PCDH15: variants seen among roughly 807,000 people sequenced by gnomAD.
The protein encoded by PCDH15 is protocadherin related 15, also known as protocadherin-15.
A neutral mutation model predicts 178.5 loss-of-function variants in PCDH15; 129 were observed. That is an observed-to-expected ratio of 0.72 (90% CI 0.63 to 0.84). PCDH15 has a LOEUF of 0.84. PCDH15 is among the 40% of genes least tolerant of loss of function. PCDH15 has a pLI of 0.00. For synonymous variants in PCDH15, 800 were observed against 732.0 expected (o/e 1.09, Z -1.50); for missense variants, 2,230 against 2,099.9 (o/e 1.06, Z -1.21).
chr10:54,265,165 G>A (rs1334780064), intron 8 of PCDH15, among the ~76,000 whole-genome samples: 2 of 152,032 alleles, frequency 1.3e-5, no homozygotes, highest in Non-Finnish European at 2.9e-5. Flanking sequence ...TCAAAACTAA[G>A]CTTCATAAAC....
At chr10:55,561,126 C>T (rs1842189771) in intron 2 of PCDH15, among the ~76,000 whole-genome samples, 1 of 151,648 alleles carries the variant, frequency 6.6e-6, no homozygotes, top group African/African-American at 2.4e-5. Flanking sequence ...AAAATACTTT[C>T]ACAGAACAAA....
At chr10:54,134,836 A>G (rs1470499462) in intron 14 of PCDH15, among the ~76,000 whole-genome samples, 1 of 152,012 alleles carries the variant, frequency 6.6e-6, no homozygotes, top group Non-Finnish European at 1.5e-5. Context: ...AATATACCTA[A>G]ATTCAAGTTG....
intron 1 of PCDH15, among the ~76,000 whole-genome samples, chr10:54,740,978 A>G (rs866347331): frequency 1.3e-5 from 2 of 151,898 alleles, no homozygotes; most frequent in African/African-American, 4.8e-5. Context: ...TATAGCTAAC[A>G]ATAACTTATT....
intron 1 of PCDH15, among the ~76,000 whole-genome samples, chr10:54,783,210 A>G (rs184299250): frequency 1.4e-4 from 22 of 152,260 alleles, no homozygotes; most frequent in Admixed American, 6.5e-4. Flanking sequence ...AAAACACAGA[A>G]AAAATGTTTA....
intron 9 of PCDH15, among the ~76,000 whole-genome samples, chr10:54,233,003 G>C (rs145887231): frequency 1.4e-5 from 2 of 143,030 alleles, no homozygotes; most frequent in South Asian, 2.2e-4. Context: ...TGATGTGATC[G>C]TAGCTCACTG....
At chr10:55,329,027 TTGTG>T (rs1004768740) in intron 2 of PCDH15, among the ~76,000 whole-genome samples, 2 of 123,298 alleles carry the variant, frequency 1.6e-5, no homozygotes, top group African/African-American at 3.2e-5. Context: ...GTGTGTGTGT[TTGTG>T]TGTGTGTGTA....
chr10:54,840,807 T>C (rs1417449736), intron 3 of PCDH15, among the ~76,000 whole-genome samples: 1 of 151,784 alleles, frequency 6.6e-6, no homozygotes, highest in Non-Finnish European at 1.5e-5. Context: ...AATAGACTTG[T>C]AGTCAAAATC....
chr10:55,265,862 AC>A (rs1006408492), intron 1 of PCDH15, among the ~76,000 whole-genome samples: 16 of 152,114 alleles, frequency 1.1e-4, no homozygotes, highest in African/African-American at 3.6e-4. Flanking sequence ...TGGCCCTGGG[AC>A]CAGATATACA....
upstream of PCDH15, among the ~76,000 whole-genome samples, chr10:54,804,098 G>C (rs1232672413): frequency 3.3e-5 from 5 of 151,676 alleles, no homozygotes; most frequent in African/African-American, 7.3e-5. Context: ...GGAGTGCAGC[G>C]GCGCTGTCTG....
intron 8 of PCDH15, among the ~76,000 whole-genome samples, chr10:54,271,838 T>C (rs1285184415): frequency 6.6e-6 from 1 of 151,580 alleles, no homozygotes; most frequent in Non-Finnish European, 1.5e-5. Flanking sequence ...CTCATACATC[T>C]TCATTTTAGA....
chr10:53,874,128 T>C (rs2080058731), intron 26 of PCDH15, among the ~76,000 whole-genome samples: 1 of 152,072 alleles, frequency 6.6e-6, no homozygotes, highest in Non-Finnish European at 1.5e-5. Context: ...TCATTTAGAA[T>C]TTTTTTGTTT....
chr10:55,191,644 C>T (rs190661788), intron 1 of PCDH15, among the ~76,000 whole-genome samples: 6 of 151,884 alleles, frequency 4.0e-5, no homozygotes, highest in African/African-American at 1.2e-4. Context: ...GATGAAATCA[C>T]GTGACTAATT....
chr10:54,099,383 C>T (rs1352581045), intron 15 of PCDH15, among the ~76,000 whole-genome samples: 1 of 150,780 alleles, frequency 6.6e-6, no homozygotes, highest in Non-Finnish European at 1.5e-5. Flanking sequence ...GCCTGTAGTC[C>T]CAGCTACTCG....
chr10:54,657,464 G>T (rs1403237230), intron 2 of PCDH15, among the ~76,000 whole-genome samples: 1 of 152,184 alleles, frequency 6.6e-6, no homozygotes, highest in East Asian at 1.9e-4. Context: ...CCTGTTCTCA[G>T]AAAGGCACAG....
At chr10:54,457,651 T>C (rs954781350) in intron 3 of PCDH15, among the ~76,000 whole-genome samples, 1 of 152,162 alleles carries the variant, frequency 6.6e-6, no homozygotes, top group Admixed American at 6.6e-5. Flanking sequence ...ATTCTAGGCA[T>C]AAAAATTATA....
chr10:54,169,695 C>G (rs376201942), intron 13 of PCDH15, among the ~76,000 whole-genome samples: 162 of 151,676 alleles, frequency 1.1e-3, no homozygotes, highest in South Asian at 7.1e-3. Context: ...TCATGCACCC[C>G]TTACCATCTC....
chr10:54,010,477 A>C (rs2092544115), intron 20 of PCDH15, among the ~76,000 whole-genome samples: 1 of 152,082 alleles, frequency 6.6e-6, no homozygotes, highest in Admixed American at 6.5e-5. Context: ...TGGTGGTTGG[A>C]GACTGATGCA....
At chr10:55,623,250 T>C (rs1837444014) in intron 2 of PCDH15, among the ~76,000 whole-genome samples, 1 of 152,188 alleles carries the variant, frequency 6.6e-6, no homozygotes, top group African/African-American at 2.4e-5. Flanking sequence ...ATTCAGGCCT[T>C]AACTAGGTCG....
At chr10:54,736,610 A>G (rs1031278472) in intron 1 of PCDH15, among the ~76,000 whole-genome samples, 4 of 152,072 alleles carry the variant, frequency 2.6e-5, no homozygotes, top group African/African-American at 9.7e-5. Flanking sequence ...TTTCCTCTGC[A>G]GTTGTGTGTA....
Sources: gnomAD v4.1 joint callset for allele counts (sites outside exome capture counted in the v4.1 genomes callset) on GRCh38, gnomAD v4.1.1 for gene constraint, MANE v1.5 for transcripts, NCBI Gene and HGNC (gene_info 2026-07-23, HGNC 2026-07-21) for gene names.